Variants in ELOVL6 observed in about 807,000 individuals in gnomAD.
ELOVL6 encodes the protein very long chain fatty acid elongase 6.
A neutral mutation model predicts 31.7 loss-of-function variants in ELOVL6; 8 were observed. The ratio of observed to expected loss-of-function variants is 0.25; its 90% CI spans 0.15 to 0.45. ELOVL6 has a LOEUF of 0.45. ELOVL6 is among the 20% of genes least tolerant of loss of function. The probability of loss-of-function intolerance (pLI) is 1.00; values close to 1 mark genes in which losing one functional copy is unlikely to be tolerated. For missense variants in ELOVL6, 126 were observed against 326.4 expected (o/e 0.39, Z 4.73); for synonymous variants, 101 against 117.7 (o/e 0.86, Z 0.92).
At chr4:110,196,527 C>A (rs896491888) in intron 1 of ELOVL6, among the ~76,000 whole-genome samples, 2 of 152,188 alleles carry the variant, frequency 1.3e-5, no homozygotes, top group Non-Finnish European at 2.9e-5. Context: ...TGCCCCGAAA[C>A]GCCGAGGTCT....
intron 2 of ELOVL6, among the ~76,000 whole-genome samples, chr4:110,103,110 C>T (rs1040987551): frequency 2.6e-5 from 4 of 152,242 alleles, no homozygotes; most frequent in Non-Finnish European, 1.5e-5. Context: ...TTATACCTCC[C>T]GCCATGATTC....
intron 1 of ELOVL6, among the ~76,000 whole-genome samples, chr4:110,190,787 A>C: frequency 6.8e-6 from 1 of 146,492 alleles, no homozygotes. Context: ...TTACAAGTAT[A>C]AGCCACCATG....
At chr4:110,163,585 T>A (rs1162028708) in intron 1 of ELOVL6, among the ~76,000 whole-genome samples, 1 of 152,208 alleles carries the variant, frequency 6.6e-6, no homozygotes, top group Non-Finnish European at 1.5e-5. Flanking sequence ...AGGCCAAGTC[T>A]TATCATCAAT....
At chr4:110,139,754 G>A (rs558110662) in intron 1 of ELOVL6, among the ~76,000 whole-genome samples, 297 of 152,030 alleles carry the variant, frequency 2.0e-3, no homozygotes, top group African/African-American at 6.8e-3. Context: ...CCTCTCATTC[G>A]ACAGGTACCA....
chr4:110,170,518 A>T (rs1004015408), intron 1 of ELOVL6, among the ~76,000 whole-genome samples: 12 of 152,274 alleles, frequency 7.9e-5, no homozygotes, highest in African/African-American at 1.2e-4. Context: ...AGCTGAGGCT[A>T]AACCAAGTGA....
At chr4:110,084,043 C>CTATATATGGTATATAAG (rs1560813672) in intron 2 of ELOVL6, among the ~76,000 whole-genome samples, 1 of 25,590 alleles carries the variant, frequency 3.9e-5, no homozygotes, top group African/African-American at 1.1e-4. Context: ...TGGTATATAA[C>CTATATATGGTATATAAG]ACATGCTATA....
At chr4:110,127,666 T>C (rs1296963051) in intron 1 of ELOVL6, among the ~76,000 whole-genome samples, 1 of 152,162 alleles carries the variant, frequency 6.6e-6, no homozygotes, top group South Asian at 2.1e-4. Flanking sequence ...ATAAAACTTT[T>C]CAAAGCCTTT....
chr4:110,135,312 C>T (rs1757782325), intron 1 of ELOVL6, among the ~76,000 whole-genome samples: 1 of 152,144 alleles, frequency 6.6e-6, no homozygotes, highest in African/African-American at 2.4e-5. Context: ...TGTGTACCAT[C>T]CCCCATTTGC....
intron 2 of ELOVL6, among the ~76,000 whole-genome samples, chr4:110,101,676 C>T (rs1295308565): frequency 2.6e-5 from 4 of 151,968 alleles, no homozygotes; most frequent in Non-Finnish European, 4.4e-5. Context: ...TTTATTCATT[C>T]GTTCATTTAT....
At chr4:110,063,657 G>A (rs1163241167) in intron 2 of ELOVL6, among the ~76,000 whole-genome samples, 1 of 151,910 alleles carries the variant, frequency 6.6e-6, no homozygotes, top group Non-Finnish European at 1.5e-5. Context: ...TAAATCTAGA[G>A]CCTCAAAGAG....
chr4:110,157,100 C>A (rs532088899), intron 1 of ELOVL6, among the ~76,000 whole-genome samples: 232 of 152,166 alleles, frequency 1.5e-3, no homozygotes, highest in African/African-American at 5.3e-3. Flanking sequence ...TGGGTCACTG[C>A]CCATTTGGGG....
chr4:110,091,153 A>G (rs1756418253), intron 2 of ELOVL6, among the ~76,000 whole-genome samples: 1 of 152,138 alleles, frequency 6.6e-6, no homozygotes. Context: ...CTACTCTATC[A>G]ATTTAAGGAT....
intron 2 of ELOVL6, among the ~76,000 whole-genome samples, chr4:110,068,881 G>A (rs1320517155): frequency 1.3e-5 from 2 of 152,176 alleles, no homozygotes; most frequent in African/African-American, 2.4e-5. Context: ...CATGGCTCAC[G>A]CCTGTAATCC....
chr4:110,098,414 A>G (rs1756651622), intron 2 of ELOVL6, among the ~76,000 whole-genome samples: 1 of 152,102 alleles, frequency 6.6e-6, no homozygotes, highest in Non-Finnish European at 1.5e-5. Context: ...ATTGCATTCA[A>G]CTTTGCTTTT....
chr4:110,122,045 A>G (rs1223156280), intron 1 of ELOVL6, among the ~76,000 whole-genome samples: 1 of 152,174 alleles, frequency 6.6e-6, no homozygotes, highest in Non-Finnish European at 1.5e-5. Context: ...GAGCTTAGGC[A>G]TACTACACCG....
chr4:110,083,546 T>C (rs1185209083), intron 2 of ELOVL6, among the ~76,000 whole-genome samples: 1 of 151,510 alleles, frequency 6.6e-6, no homozygotes, highest in Non-Finnish European at 1.5e-5. Flanking sequence ...GACACAGAGA[T>C]AGTAATAATT....
At chr4:110,084,070 T>TGCTATATATGGTATATAAG (rs1560813819) in intron 2 of ELOVL6, among the ~76,000 whole-genome samples, 1 of 82,846 alleles carries the variant, frequency 1.2e-5, no homozygotes, top group African/African-American at 3.8e-5. Context: ...ATATAACATA[T>TGCTATATATGGTATATAAG]ATATGCTATA....
chr4:110,094,429 ATATATATAT>A (rs1756512515), intron 2 of ELOVL6, among the ~76,000 whole-genome samples: 4 of 59,888 alleles, frequency 6.7e-5, no homozygotes, highest in Non-Finnish European at 9.0e-5. Flanking sequence ...ATATATATAT[ATATATATAT>A]ATATAATATA....
At chr4:110,064,619 T>G (rs563813831) in intron 2 of ELOVL6, among the ~76,000 whole-genome samples, 1 of 152,108 alleles carries the variant, frequency 6.6e-6, no homozygotes, top group South Asian at 2.1e-4. Flanking sequence ...AGAGCCACTG[T>G]GCCTATTTAA....
Sources: allele counts gnomAD v4.1 joint callset (sites outside exome capture counted in the v4.1 genomes callset), GRCh38; gene constraint gnomAD v4.1.1; transcripts MANE v1.5; gene names NCBI Gene and HGNC (gene_info 2026-07-23, HGNC 2026-07-21).